Variants in AVEN observed in about 807,000 individuals in gnomAD.
AVEN encodes the protein cell death regulator Aven.
A neutral mutation model predicts 38.1 loss-of-function variants in AVEN; 41 were observed. That is an observed-to-expected ratio of 1.08 (90% CI 0.84 to 1.40). AVEN has a LOEUF of 1.40. AVEN is among the 40% of genes most tolerant of loss of function. The pLI is 0.00. For synonymous variants in AVEN, 206 were observed against 171.8 expected (o/e 1.20, Z -1.56); for missense variants, 605 against 438.8 (o/e 1.38, Z -3.38).
chr15:33,965,748 A>G (rs1435115868), intron 2 of AVEN, among the ~76,000 whole-genome samples: 2 of 152,110 alleles, frequency 1.3e-5, no homozygotes, highest in Non-Finnish European at 2.9e-5. Flanking sequence ...AAGAAAACAT[A>G]AAAGTCCATA....
At chr15:33,977,739 G>A (rs941874199) in intron 2 of AVEN, among the ~76,000 whole-genome samples, 2 of 152,014 alleles carry the variant, frequency 1.3e-5, no homozygotes, top group African/African-American at 4.8e-5. Flanking sequence ...CTCAGAGCAA[G>A]TAAGTCCTCC....
At chr15:33,891,446 C>T (rs1891960957) in intron 2 of AVEN, among the ~76,000 whole-genome samples, 1 of 152,100 alleles carries the variant, frequency 6.6e-6, no homozygotes, top group Admixed American at 6.5e-5. Flanking sequence ...TCCAAGTGTT[C>T]TCATTGTTCA....
At chr15:34,019,947 A>G (rs1425483314) in intron 1 of AVEN, among the ~76,000 whole-genome samples, 1 of 152,232 alleles carries the variant, frequency 6.6e-6, no homozygotes, top group Non-Finnish European at 1.5e-5. Flanking sequence ...TTTTGTATGC[A>G]ATTACATTTT....
At chr15:34,035,047 T>G (rs544060957) in intron 1 of AVEN, among the ~76,000 whole-genome samples, 2 of 152,298 alleles carry the variant, frequency 1.3e-5, no homozygotes, top group East Asian at 3.9e-4. Context: ...CACCATTTCT[T>G]CCCTCCAGGT....
chr15:33,860,669 C>T lies in AVEN; in HGVS notation n.2730-1575G>A, dbSNP rs898192253. The T allele has an allele frequency of 1.2e-5, 18 of 1,557,542 alleles. No homozygotes were observed. The highest frequency in any genetic ancestry group is 3.3e-4 in the Middle Eastern group (2 of 5,974). On this transcript the variant is annotated intron_variant and non_coding_transcript_variant, in intron 11 of 11. Coordinates refer to the AVEN transcript ENST00000675287. ...ACGAGAAGATATGGAGGTAATGTTA[C>T]TCTAACTACTAATCCCAGCTCTATT... is the stretch of plus-strand genomic sequence containing the variant.
At chr15:33,852,960 C>A in the AVEN span, 1 of 1,156,332 alleles carries the variant, frequency 8.6e-7, no homozygotes, top group Non-Finnish European at 1.3e-6. Context: ...GATCCCAGAT[C>A]CAGGCACTCA....
chr15:33,873,232 T>C (rs531573284), intron 3 of AVEN, among the ~76,000 whole-genome samples: 16 of 150,232 alleles, frequency 1.1e-4, no homozygotes, highest in Admixed American at 2.0e-4. Flanking sequence ...CCCAAGCAGC[T>C]GGGATTACAG....
chr15:34,071,875 A>C (rs1331258428), intron 1 of AVEN, among the ~76,000 whole-genome samples: 1 of 152,254 alleles, frequency 6.6e-6, no homozygotes, highest in Non-Finnish European at 1.5e-5. Flanking sequence ...ACTTATCAAT[A>C]AGAGTCAGAA....
intron 1 of AVEN, among the ~76,000 whole-genome samples, chr15:34,023,071 C>T (rs147756834): frequency 6.4e-4 from 98 of 152,284 alleles, no homozygotes; most frequent in African/African-American, 2.2e-3. Flanking sequence ...CCTGTAGTCC[C>T]AGCTACTCAG....
chr15:33,890,983 T>C (rs1891924403), intron 2 of AVEN, among the ~76,000 whole-genome samples: 1 of 151,960 alleles, frequency 6.6e-6, no homozygotes, highest in South Asian at 2.1e-4. Flanking sequence ...GTGGTGCACA[T>C]GTGTAGTCCC....
chr15:33,942,279 T>C (rs1335485421), intron 2 of AVEN, among the ~76,000 whole-genome samples: 5 of 152,182 alleles, frequency 3.3e-5, no homozygotes, highest in Non-Finnish European at 4.4e-5. Context: ...CTCCTCTTGC[T>C]GTCAGTTCAC....
At chr15:33,898,006 G>T (rs536014954) in intron 2 of AVEN, among the ~76,000 whole-genome samples, 1 of 152,130 alleles carries the variant, frequency 6.6e-6, no homozygotes, top group Non-Finnish European at 1.5e-5. Context: ...TGGCTAACAC[G>T]GTGAAACCCC....
chr15:33,982,050 A>G (rs1011921520), intron 2 of AVEN, among the ~76,000 whole-genome samples: 1 of 151,236 alleles, frequency 6.6e-6, no homozygotes. Context: ...TTTTATTAGT[A>G]GAGACAAGAT....
chr15:34,021,099 A>C (rs1465341699), intron 1 of AVEN, among the ~76,000 whole-genome samples: 1 of 152,084 alleles, frequency 6.6e-6, no homozygotes, highest in African/African-American at 2.4e-5. Context: ...TCTCCTTTTC[A>C]GTTCTTCCCC....
At chr15:34,004,390 G>A (rs546905089) in intron 1 of AVEN, among the ~76,000 whole-genome samples, 6 of 152,202 alleles carry the variant, frequency 3.9e-5, no homozygotes, top group African/African-American at 1.2e-4. Flanking sequence ...AAAAATGGTG[G>A]GAGAGGATGG....
At chr15:33,861,681 C>T (rs1331275686), downstream of AVEN, among the ~76,000 whole-genome samples, 3 of 152,156 alleles carry the variant, frequency 2.0e-5, no homozygotes, top group African/African-American at 7.2e-5. Context: ...TGGGTCTTGT[C>T]AAAGGGGCCT....
intron 2 of AVEN, among the ~76,000 whole-genome samples, chr15:33,897,276 C>A (rs1892270443): frequency 7.7e-6 from 1 of 130,468 alleles, no homozygotes; most frequent in Admixed American, 8.6e-5. Flanking sequence ...ATAAATTATA[C>A]CTCAATAAAC....
chr15:33,867,895 C>A (rs778376818), intron 4 of AVEN, 40 bp from the exon 5 acceptor site: 9 of 1,525,840 alleles, frequency 5.9e-6, no homozygotes, highest in Non-Finnish European at 7.9e-6. Context: ...AAATGTGAGT[C>A]TTGCCATATT....
At chr15:33,937,506 C>T (rs567865751) in intron 2 of AVEN, among the ~76,000 whole-genome samples, 2 of 151,592 alleles carry the variant, frequency 1.3e-5, no homozygotes, top group South Asian at 4.2e-4. Flanking sequence ...GCACTCCAGC[C>T]TGGGCGACAG....
Sources: gnomAD v4.1 joint callset for allele counts (sites outside exome capture counted in the v4.1 genomes callset) on GRCh38, gnomAD v4.1.1 for gene constraint, MANE v1.5 for transcripts, NCBI Gene and HGNC (gene_info 2026-07-23, HGNC 2026-07-21) for gene names.